Variants in PRKDC observed in about 807,000 individuals in gnomAD.
The protein encoded by PRKDC is protein kinase, DNA-activated, catalytic subunit.
Under a neutral mutation model 486.9 loss-of-function variants are expected in PRKDC, and 82 were observed. That is an observed-to-expected ratio of 0.17 (90% CI 0.14 to 0.20). The LOEUF is 0.20. PRKDC is among the 10% of genes least tolerant of loss of function. PRKDC has a pLI of 1.00. For synonymous variants in PRKDC, 1,895 were observed against 1,837.0 expected (o/e 1.03, Z -0.81); for missense variants, 4,504 against 5,038.2 (o/e 0.89, Z 3.21).
Position 47,912,556 on chromosome 8 carries a change from C to A in PRKDC, c.2788G>T (p.Ala930Ser), listed in dbSNP as rs2089922698. Residue 930 changes from alanine (A) to serine (S), a missense_variant, in exon 25 of 86, where the codon GCC becomes TCC. Ala to Ser is a moderately conservative substitution (Grantham distance 99). Around this residue, in one of 6 missense-constraint regions of PRKDC, gnomAD observed 1,969 missense variants for 2,068.9 expected, o/e 0.95. Transcript: ENST00000314191. ...ACCATGCTATGTAAAAGTTCACAGG[C>A]TGCAACCTAAAACAGACCAGGAGGT... ...TASDRQTKVAACELLHSMVMF... is the reference protein window; with the variant it reads ...TASDRQTKVASCELLHSMVMF... 1 of 1,609,416 alleles carries A rather than the reference C, an allele frequency of 6.2e-7. No homozygotes were observed.
At chr8:47,794,053 A>C (rs184661080) in intron 74 of PRKDC, among the ~76,000 whole-genome samples, 35 of 152,344 alleles carry the variant, frequency 2.3e-4, no homozygotes, top group Admixed American at 2.0e-3. Flanking sequence ...AGCAATCATG[A>C]CCATATGAGC....
At chr8:47,906,153 T>C (rs2089777255) in intron 25 of PRKDC, among the ~76,000 whole-genome samples, 1 of 152,192 alleles carries the variant, frequency 6.6e-6, no homozygotes, top group Non-Finnish European at 1.5e-5. Context: ...AAGACCATCC[T>C]GGGCAACATA....
In PRKDC at chr8:47,830,743, G is replaced by A; in HGVS notation, c.8266-7C>T. 2 of 1,613,788 alleles carry A rather than the reference G, an allele frequency of 1.2e-6. No individual in the cohort carries two copies. Among genetic ancestry groups the A allele is most frequent in the Non-Finnish European group, 1.7e-6 (2 of 1,179,824 alleles). ...TTAACTCACTCTTGATTTCCTATAAGCACCAGAACCAAAGAAGAAGATGAG... is the reference window on the plus strand; with the variant it reads ...TTAACTCACTCTTGATTTCCTATAAACACCAGAACCAAAGAAGAAGATGAG... On this transcript the variant is annotated splice_polypyrimidine_tract_variant and splice_region_variant and intron_variant, in intron 60 of 85. Transcript: ENST00000314191.
Position 47,877,846 on chromosome 8 carries a change from T to A in PRKDC, c.5241A>T (p.Leu1747=), listed in dbSNP as rs1187711641. The change falls in exon 40 of 86, where the codon CTA becomes CTT. Residue 1747 remains leucine (L), a synonymous_variant. Coordinates refer to ENST00000314191, the MANE Select transcript of PRKDC (RefSeq NM_006904.7). ...GGCTTTGAGATAATTCCAATGCATC[T>A]AGAAACTAGAAAAAATACATCAACA... ...NNYVDCMKKF[L]DALELSQSPM... The A allele has an allele frequency of 1.4e-6, 2 of 1,480,960 alleles. No homozygotes were observed. The highest frequency in any genetic ancestry group is 2.5e-5 in the East Asian group (1 of 40,096). 91.7% of individuals were successfully genotyped at this position (1,480,960 alleles called of 1,614,324 possible). A position where few individuals can be genotyped will look rare whatever the true frequency, so the allele number is the denominator to read the frequency against.
rs1351962906 is a variant in PRKDC, at chr8:47,955,944, G to A, written c.329C>T (p.Thr110Ile). The change falls in exon 4 of 86, where the codon ACT becomes ATT. Residue 110 changes from threonine (T) to isoleucine (I), a missense_variant. Coordinates refer to ENST00000314191, the MANE Select transcript of PRKDC (RefSeq NM_006904.7). ...ATCTTTTGTATAAACACTGGTACAA[G>A]TGTTCTAGGTTTTAAAAAAAAAATA... ...IAPYSVEIKN[T>I]CTSVYTKDRA... 3 of 1,591,376 alleles carry A rather than the reference G, an allele frequency of 1.9e-6. No homozygotes were observed. In the African/African-American group the frequency reaches 4.0e-5, roughly 21 times the overall value.
At chr8:47,919,805 T>G (rs2090045076) in intron 21 of PRKDC, among the ~76,000 whole-genome samples, 1 of 151,920 alleles carries the variant, frequency 6.6e-6, no homozygotes, top group South Asian at 2.1e-4. Context: ...ATCTGGACTA[T>G]TCAGCATTTT....
At chr8:47,804,229 T>C (rs1328442282) in intron 69 of PRKDC, among the ~76,000 whole-genome samples, 1 of 152,180 alleles carries the variant, frequency 6.6e-6, no homozygotes, top group Non-Finnish European at 1.5e-5. Flanking sequence ...TTCATGCATG[T>C]TGCAGCACCT....
chr8:47,860,288 A>G (rs1455573102), intron 45 of PRKDC, among the ~76,000 whole-genome samples: 5 of 152,252 alleles, frequency 3.3e-5, no homozygotes, highest in African/African-American at 9.6e-5. Context: ...TCAGGGGTTG[A>G]CATTAAACAA....
Position 47,807,330 on chromosome 8 carries a change from C to A in PRKDC, c.9558-4G>T, listed in dbSNP as rs756767093. 1.3e-6 allele frequency: 2 copies of A among 1,533,036 alleles called. No homozygotes were observed. Among genetic ancestry groups the A allele is most frequent in the Non-Finnish European group, 1.8e-6 (2 of 1,138,608 alleles). 95.0% of individuals were successfully genotyped at this position (1,533,036 alleles called of 1,614,324 possible). On this transcript the variant is annotated splice_polypyrimidine_tract_variant and splice_region_variant and intron_variant, in intron 68 of 85. Coordinates refer to ENST00000314191, the MANE Select transcript of PRKDC (RefSeq NM_006904.7). ...TATTTTGCTGAGAAAGAAACATCTA[C>A]ACAAAGAAAAATGAGACAATGTCAC...
At position 47,886,766 on chromosome 8, in the gene PRKDC, C is replaced by T. The variant is rs1347692638; in HGVS notation, c.4573-619G>A. Among the ~76,000 whole-genome samples, 16 of 152,170 alleles carry T rather than the reference C, an allele frequency of 1.1e-4. 1 individual carries two copies. Among genetic ancestry groups the T allele is most frequent in the Admixed American group, 1.0e-3 (16 of 15,280 alleles). ...GCAGTGGCATGATCATGACTCACTACAGCCTTGACTTCCTGGGCTCAAGCG... is the reference window on the plus strand; with the variant it reads ...GCAGTGGCATGATCATGACTCACTATAGCCTTGACTTCCTGGGCTCAAGCG... On this transcript the variant is annotated intron_variant, in intron 35 of 85. Transcript: ENST00000314191.
At position 47,855,409 on chromosome 8, in the gene PRKDC, C is replaced by T. The variant is rs1006670202; in HGVS notation, c.6610-36G>A. ...ACAGAAATTCTGTATTAATATGCGG[C>T]ATTCCATTCTGGAAAGCATTTTTTA... On this transcript the variant is annotated intron_variant, in intron 49 of 85. Coordinates refer to ENST00000314191, the MANE Select transcript of PRKDC (RefSeq NM_006904.7). The T allele has an allele frequency of 2.6e-6, 4 of 1,525,074 alleles. No homozygotes were observed. In the East Asian group the frequency reaches 9.5e-5, roughly 36 times the overall value. 94.5% of individuals were successfully genotyped at this position (1,525,074 alleles called of 1,614,324 possible).
rs1353639215 is a variant in PRKDC, at chr8:47,855,342, C to T, written c.6641G>A (p.Arg2214Gln). 2.5e-6 allele frequency: 4 copies of T among 1,599,208 alleles called. No homozygotes were observed. The highest frequency in any genetic ancestry group is 3.4e-6 in the Non-Finnish European group (4 of 1,171,930). ...ATGTTTCATTAGGAAATTAAGCAAT[C>T]GATTTGCTAACACTTCATCTTTAGG... is the stretch of plus-strand genomic sequence containing the variant. ...GVPKDEVLAN[R>Q]LLNFLMKHVF... is the part of the protein sequence containing the mutation. Residue 2214 changes from arginine (R) to glutamine (Q), a missense_variant, in exon 50 of 86, where the codon CGA (arginine) becomes CAA (glutamine). Arg to Gln is a conservative substitution (Grantham distance 43). Around this residue, in one of 6 missense-constraint regions of PRKDC, gnomAD observed 1,592 missense variants for 1,724.6 expected, o/e 0.92. Coordinates refer to ENST00000314191, the MANE Select transcript of PRKDC (RefSeq NM_006904.7).
chr8:47,885,609 T>C (rs934331837), intron 36 of PRKDC, among the ~76,000 whole-genome samples: 5 of 152,056 alleles, frequency 3.3e-5, no homozygotes, highest in Admixed American at 6.6e-5. Context: ...TAAGAAAATA[T>C]TGACCGGGTG....
Position 47,788,768 on chromosome 8 carries a change from G to A in PRKDC, c.10902+138C>T, listed in dbSNP as rs73571476. On this transcript the variant is annotated intron_variant, in intron 76 of 85. Coordinates refer to ENST00000314191, the MANE Select transcript of PRKDC (RefSeq NM_006904.7). Reference sequence around the variant, plus strand: ...TGTCACAGAAAGCATGAGACCTAAAGCATTCAACAGACATTTTAAATGCAG... The same window carrying A: ...TGTCACAGAAAGCATGAGACCTAAAACATTCAACAGACATTTTAAATGCAG... 9.3e-3 allele frequency: 8,622 copies of A among 930,570 alleles called. 380 individuals carry two copies. In the African/African-American group the frequency reaches 0.11, roughly 12 times the overall value. 57.6% of individuals were successfully genotyped at this position (930,570 alleles called of 1,614,324 possible).
chr8:47,786,197 G>C (rs898141741), intron 76 of PRKDC, among the ~76,000 whole-genome samples: 13 of 152,110 alleles, frequency 8.5e-5, no homozygotes, highest in Admixed American at 7.2e-4. Flanking sequence ...TGGATCACGA[G>C]GTCAGGAGCT....
chr8:47,791,091 GCTT>G (rs1339580130), intron 74 of PRKDC, among the ~76,000 whole-genome samples: 5 of 152,208 alleles, frequency 3.3e-5, no homozygotes, highest in African/African-American at 1.2e-4. Context: ...AAGTCAAAAA[GCTT>G]CTGCACAGCA....
intron 85 of PRKDC, among the ~76,000 whole-genome samples, chr8:47,775,207 A>AT (rs1295897809): frequency 4.0e-5 from 6 of 151,394 alleles, no homozygotes; most frequent in African/African-American, 1.5e-4. Context: ...AAATAAATAA[A>AT]TAAATAAATT....
At chr8:47,896,419 G>A (rs572674050) in intron 30 of PRKDC, among the ~76,000 whole-genome samples, 19 of 152,126 alleles carry the variant, frequency 1.2e-4, no homozygotes, top group African/African-American at 4.3e-4. Flanking sequence ...AGGCCAAGGC[G>A]GGTGGATCAC....
At chr8:47,957,549 C>T (rs1050589388) in intron 1 of PRKDC, 118 bp from the exon 2 acceptor site, 8 of 854,370 alleles carry the variant, frequency 9.4e-6, no homozygotes, top group South Asian at 1.7e-5. Flanking sequence ...CTCGCTCTGT[C>T]GCCCAGGCTG....
Sources: allele counts gnomAD v4.1 joint callset (sites outside exome capture counted in the v4.1 genomes callset), GRCh38; gene constraint gnomAD v4.1.1; regional missense constraint gnomAD v4.1.1; transcripts MANE v1.5; gene names NCBI Gene and HGNC (gene_info 2026-07-23, HGNC 2026-07-21).